Variants in GRIK1 observed in about 807,000 individuals in gnomAD.
GRIK1 encodes glutamate ionotropic receptor kainate type subunit 1, also known as glutamate receptor ionotropic, kainate 1.
Under a neutral mutation model 105.7 loss-of-function variants are expected in GRIK1, and 69 were observed. The observed-to-expected ratio is 0.65, with a 90% CI of 0.54 to 0.80. The LOEUF (loss-of-function observed/expected upper bound fraction) is 0.80, where lower values mean the gene tolerates loss of function less well. GRIK1 is among the 30% of genes least tolerant of loss of function. The probability of loss-of-function intolerance (pLI) is 0.00; values close to 1 mark genes in which losing one functional copy is unlikely to be tolerated. For missense variants in GRIK1, 1,109 were observed against 1,167.3 expected, an observed-to-expected ratio of 0.95 and a Z score of 0.73; for synonymous variants, 438 against 431.3, an observed-to-expected ratio of 1.02 and a Z score of -0.19.
intron 1 of GRIK1, among the ~76,000 whole-genome samples, chr21:29,880,358 A>G (rs2069359901): frequency 6.6e-6 from 1 of 152,140 alleles, no homozygotes; most frequent in Non-Finnish European, 1.5e-5. Context: ...CCAACTTCAG[A>G]TGTGCATTAA....
intron 14 of GRIK1, among the ~76,000 whole-genome samples, chr21:29,562,145 T>G (rs2090496686): frequency 6.6e-6 from 1 of 152,202 alleles, no homozygotes. Context: ...GTTCATTTCA[T>G]GCATTTTCCT....
intron 1 of GRIK1, among the ~76,000 whole-genome samples, chr21:29,698,614 T>A (rs1026947559): frequency 1.1e-4 from 17 of 152,176 alleles, no homozygotes; most frequent in African/African-American, 4.1e-4. Flanking sequence ...TTTTTTATCA[T>A]GTCTATGTCG....
intron 1 of GRIK1, among the ~76,000 whole-genome samples, chr21:29,761,798 A>G (rs375931416): frequency 7.4e-6 from 1 of 134,970 alleles, no homozygotes; most frequent in East Asian, 2.1e-4. Context: ...CCCAGGCTGG[A>G]GTGAAATGGC....
chr21:29,804,559 T>C (rs923298532), intron 1 of GRIK1, among the ~76,000 whole-genome samples: 1 of 152,196 alleles, frequency 6.6e-6, no homozygotes, highest in East Asian at 1.9e-4. Flanking sequence ...CAAATGGTAA[T>C]ATCAGGATGT....
At chr21:29,609,240 T>A (rs2061680518) in intron 7 of GRIK1, among the ~76,000 whole-genome samples, 1 of 152,116 alleles carries the variant, frequency 6.6e-6, no homozygotes, top group East Asian at 1.9e-4. Flanking sequence ...ACTCTCTCTT[T>A]GGTAACCTAT....
intron 1 of GRIK1, among the ~76,000 whole-genome samples, chr21:29,726,251 A>C (rs1235106532): frequency 6.6e-6 from 1 of 152,000 alleles, no homozygotes; most frequent in African/African-American, 2.4e-5. Flanking sequence ...AGAATATTTA[A>C]CTCTTTGTCA....
intron 1 of GRIK1, among the ~76,000 whole-genome samples, chr21:29,848,691 A>G (rs1389653028): frequency 6.7e-6 from 1 of 148,914 alleles, no homozygotes; most frequent in Non-Finnish European, 1.5e-5. Flanking sequence ...GCATTTGCAT[A>G]CCGTTTATTA....
intron 13 of GRIK1, among the ~76,000 whole-genome samples, chr21:29,581,067 A>C (rs1173889480): frequency 2.0e-5 from 3 of 152,188 alleles, no homozygotes; most frequent in African/African-American, 7.2e-5. Context: ...CAAAGGATTT[A>C]GATCCCGCTC....
At chr21:29,761,576 A>G (rs1271988556) in intron 1 of GRIK1, among the ~76,000 whole-genome samples, 1 of 152,242 alleles carries the variant, frequency 6.6e-6, no homozygotes, top group Non-Finnish European at 1.5e-5. Flanking sequence ...ATTTTTTAGA[A>G]AAAGTTCTTA....
At chr21:29,747,454 T>C (rs1201985489) in intron 1 of GRIK1, among the ~76,000 whole-genome samples, 2 of 152,120 alleles carry the variant, frequency 1.3e-5, no homozygotes, top group Admixed American at 1.3e-4. Flanking sequence ...GGGGTTAAGG[T>C]AAACAAGGCA....
intron 9 of GRIK1, chr21:29,596,151 GT>G (rs2061408280): frequency 8.3e-6 from 3 of 359,830 alleles, no homozygotes; most frequent in East Asian, 1.4e-4. Context: ...CAAATCTATT[GT>G]GATTTTTATC....
At chr21:29,668,863 G>A (rs2063110096) in intron 4 of GRIK1, among the ~76,000 whole-genome samples, 1 of 152,184 alleles carries the variant, frequency 6.6e-6, no homozygotes, top group South Asian at 2.1e-4. Context: ...GTTGGACTTG[G>A]GGAAATGAGA....
At chr21:29,620,962 A>G (rs2061987974) in intron 7 of GRIK1, among the ~76,000 whole-genome samples, 1 of 149,768 alleles carries the variant, frequency 6.7e-6, no homozygotes, top group African/African-American at 2.4e-5. Flanking sequence ...ATATAATTCT[A>G]CATATACAGA....
At chr21:29,645,458 A>G (rs1240808684) in intron 6 of GRIK1, among the ~76,000 whole-genome samples, 2 of 152,232 alleles carry the variant, frequency 1.3e-5, no homozygotes, top group African/African-American at 2.4e-5. Context: ...CCATAAACTT[A>G]GTTTAGAAAG....
chr21:29,623,107 G>T (rs2062043146), intron 7 of GRIK1, among the ~76,000 whole-genome samples: 1 of 152,268 alleles, frequency 6.6e-6, no homozygotes, highest in African/African-American at 2.4e-5. Context: ...AAGTAAAGAG[G>T]TTTAATGGTC....
intron 1 of GRIK1, among the ~76,000 whole-genome samples, chr21:29,860,426 T>G (rs2068599968): frequency 6.6e-6 from 1 of 152,170 alleles, no homozygotes; most frequent in African/African-American, 2.4e-5. Context: ...TTTTGACAAA[T>G]AGGGAACTCA....
At chr21:29,700,443 G>A (rs1361591473) in intron 1 of GRIK1, among the ~76,000 whole-genome samples, 1 of 152,120 alleles carries the variant, frequency 6.6e-6, no homozygotes, top group Non-Finnish European at 1.5e-5. Flanking sequence ...GGTCAATAAT[G>A]TGCTATTCGT....
intron 1 of GRIK1, among the ~76,000 whole-genome samples, chr21:29,854,518 A>AT (rs1555899389): frequency 2.0e-5 from 3 of 151,810 alleles, no homozygotes; most frequent in East Asian, 3.9e-4. Context: ...AGAAAAAAAA[A>AT]CAAGAAATTA....
Position 29,871,051 on chromosome 21 carries a change from C to T in GRIK1, c.118+68332G>A, listed in dbSNP as rs116429264. Among the ~76,000 whole-genome samples the T allele has an allele frequency of 2.4e-3, 362 of 152,300 alleles. 4 individuals carry two copies. Among genetic ancestry groups the T allele is most frequent in the African/African-American group, 8.3e-3 (344 of 41,554 alleles). ...GCCTGAAAGCACTTCTACCTCCGGT[C>T]TGTCCTTCAGGGCTGGGCAGGATTG... On this transcript the variant is annotated intron_variant, in intron 1 of 17. Transcript: ENST00000327783.
Sources: allele counts gnomAD v4.1 joint callset (sites outside exome capture counted in the v4.1 genomes callset), GRCh38; gene constraint gnomAD v4.1.1; transcripts MANE v1.5; gene names NCBI Gene and HGNC (gene_info 2026-07-23, HGNC 2026-07-21).